Variants in OTUD7B observed in about 807,000 individuals in gnomAD.
OTUD7B encodes the protein OTU deubiquitinase 7B, also known as OTU domain-containing protein 7B.
Under a neutral mutation model 82.2 loss-of-function variants are expected in OTUD7B, and 34 were observed. The observed-to-expected ratio is 0.41, with a 90% confidence interval of 0.31 to 0.55. OTUD7B has a LOEUF of 0.55. Ranked by LOEUF, OTUD7B falls within the 20% of genes least tolerant of loss-of-function variation. The pLI is 0.20. For synonymous variants in OTUD7B, 398 were observed against 402.7 expected, an observed-to-expected ratio of 0.99 and a Z score of 0.14; for missense variants, 944 against 1,062.1, an observed-to-expected ratio of 0.89 and a Z score of 1.55.
At chr1:150,064,140 G>A in the OTUD7B span, among the ~76,000 whole-genome samples, 2 of 152,052 alleles carry the variant, frequency 1.3e-5, no homozygotes, top group African/African-American at 2.4e-5. Context: ...TCTAATAATC[G>A]AAGCTGATAT....
At chr1:150,041,497 T>C in the OTUD7B span, among the ~76,000 whole-genome samples, 1 of 152,102 alleles carries the variant, frequency 6.6e-6, no homozygotes, top group Non-Finnish European at 1.5e-5. Context: ...CACACCCGGC[T>C]AATTTTTTGT....
intron 7 of OTUD7B, among the ~76,000 whole-genome samples, chr1:149,950,565 T>C (rs1390528321): frequency 6.6e-6 from 1 of 152,106 alleles, no homozygotes; most frequent in Non-Finnish European, 1.5e-5. Flanking sequence ...CTGCATAGCT[T>C]CATCCTACTT....
At position 150,010,678 on chromosome 1, in the gene OTUD7B, C is replaced by G. The variant is rs1553787162; in HGVS notation, c.-297G>C. ...GCCTCCCCCAGTGGCTTTTTGCCCA[C>G]TCCGCACCCGGTCGCCACTCCGGCT... On this transcript the variant is annotated 5_prime_UTR_variant, in exon 1 of 12. Coordinates refer to ENST00000581312, the MANE Select transcript of OTUD7B (RefSeq NM_020205.4). The G allele has an allele frequency of 6.5e-6, 1 of 152,698 alleles. No individual in the cohort carries two copies. Among genetic ancestry groups the G allele is most frequent in the Non-Finnish European group, 1.5e-5 (1 of 68,154 alleles). The allele number at this position is 152,698 out of a possible 1,614,324, so 9.5% of individuals were successfully genotyped here.
chr1:149,973,475 C>CTGTTGT (rs143050781), intron 2 of OTUD7B, among the ~76,000 whole-genome samples: 1 of 152,072 alleles, frequency 6.6e-6, no homozygotes, highest in Non-Finnish European at 1.5e-5. Context: ...AATCAGTTAA[C>CTGTTGT]TGTTGTTGTT....
In OTUD7B at chr1:149,942,123, T is replaced by C. The variant is rs1553770561; in HGVS notation, c.*1734A>G. 6.6e-6 allele frequency: 1 copy of C among 152,616 alleles called. No individual in the cohort carries two copies. The highest frequency in any genetic ancestry group is 2.4e-5 in the African/African-American group (1 of 41,446). 9.5% of individuals were successfully genotyped at this position (152,616 alleles called of 1,614,324 possible). A position where few individuals can be genotyped will look rare whatever the true frequency, so the allele number is the denominator to read the frequency against. The stretch of plus-strand genomic sequence containing the variant: ...ACACATATGCACGCACGCACATGCA[T>C]GCACGCTCAAGTGCTTTAGATCAAA... On this transcript the variant is annotated 3_prime_UTR_variant, in exon 12 of 12. Coordinates refer to ENST00000581312, the MANE Select transcript of OTUD7B (RefSeq NM_020205.4).
At chr1:150,002,076 T>C (rs1254136583) in intron 1 of OTUD7B, among the ~76,000 whole-genome samples, 5 of 152,226 alleles carry the variant, frequency 3.3e-5, no homozygotes, top group African/African-American at 1.2e-4. Context: ...GAGTATTTAA[T>C]ATTTTAAAGA....
At chr1:149,954,671 T>C (rs1266546841) in intron 7 of OTUD7B, among the ~76,000 whole-genome samples, 3 of 152,236 alleles carry the variant, frequency 2.0e-5, no homozygotes, top group Non-Finnish European at 4.4e-5. Context: ...TGAATCCATC[T>C]GGTCTTGGAC....
chr1:150,021,552 T>C, the OTUD7B span, among the ~76,000 whole-genome samples: 3 of 152,118 alleles, frequency 2.0e-5, no homozygotes, highest in African/African-American at 7.2e-5. Context: ...AAAGCAGATA[T>C]GAGGTGAAAG....
rs1440769091 is a variant in OTUD7B at position 149,939,613 on chromosome 1, T to TG, written c.*4243dup. On this transcript the variant is annotated 3_prime_UTR_variant, in exon 12 of 12. Coordinates refer to ENST00000581312, the MANE Select transcript of OTUD7B (RefSeq NM_020205.4). ...GTCTTCTCACCTGTGGCTATATGTC[T>TG]GGGGCACTGACTCATTGGAGAAGGA... 6 of 152,118 alleles carry TG rather than the reference T, an allele frequency of 3.9e-5. No individual in the cohort carries two copies. Among genetic ancestry groups the TG allele is most frequent in the African/African-American group, 1.4e-4 (6 of 41,402 alleles). 9.4% of individuals were successfully genotyped at this position (152,118 alleles called of 1,614,324 possible). A position where few individuals can be genotyped will look rare whatever the true frequency, so the allele number is the denominator to read the frequency against.
At chr1:149,960,712 C>T (rs1649094492) in intron 6 of OTUD7B, among the ~76,000 whole-genome samples, 1 of 151,724 alleles carries the variant, frequency 6.6e-6, no homozygotes, top group Non-Finnish European at 1.5e-5. Flanking sequence ...TTCATATATC[C>T]AGCTACCTAC....
chr1:150,013,668 A>C (rs1653166835), upstream of OTUD7B, among the ~76,000 whole-genome samples: 1 of 151,932 alleles, frequency 6.6e-6, no homozygotes, highest in African/African-American at 2.4e-5. Context: ...CACGCTTGTA[A>C]TACCAGCACT....
chr1:150,048,555 C>T, the OTUD7B span: 1 of 151,958 alleles, frequency 6.6e-6, no homozygotes, highest in South Asian at 2.1e-4. Flanking sequence ...CCGATCTCTA[C>T]ACAAAATAAA....
the OTUD7B span, among the ~76,000 whole-genome samples, chr1:150,059,348 G>A: frequency 5.9e-5 from 5 of 84,650 alleles, no homozygotes; most frequent in Non-Finnish European, 1.0e-4. Context: ...ATGAGCCACC[G>A]CACCTGGCCA....
chr1:150,066,798 A>G, the OTUD7B span, among the ~76,000 whole-genome samples: 1 of 152,238 alleles, frequency 6.6e-6, no homozygotes, highest in Non-Finnish European at 1.5e-5. The surrounding 1 kb of genome is among the most constrained non-coding windows in gnomAD (Gnocchi z 4.6). Context: ...AAATGCCATG[A>G]TAGAGGGGAG....
intron 7 of OTUD7B, 36 bp downstream of exon 7, chr1:149,959,648 T>C (rs1553775242): frequency 3.1e-6 from 4 of 1,281,990 alleles, no homozygotes; most frequent in Non-Finnish European, 3.4e-6. Context: ...GAGGACTCTA[T>C]GCAGGTTTCC....
chr1:150,048,099 T>C, the OTUD7B span, among the ~76,000 whole-genome samples: 5 of 151,162 alleles, frequency 3.3e-5, no homozygotes, highest in Non-Finnish European at 7.4e-5. Context: ...GAAAAAAAAA[T>C]AGTTCCTAAA....
chr1:150,036,891 T>C, the OTUD7B span, among the ~76,000 whole-genome samples: 1 of 152,194 alleles, frequency 6.6e-6, no homozygotes, highest in Non-Finnish European at 1.5e-5. Context: ...TGTATGTCAT[T>C]AACTCATTCT....
At chr1:150,065,043 A>T in the OTUD7B span, among the ~76,000 whole-genome samples, 97 of 152,074 alleles carry the variant, frequency 6.4e-4, no homozygotes, top group African/African-American at 2.3e-3. Context: ...TGATTATTTA[A>T]CTTACATATT....
intron 1 of OTUD7B, among the ~76,000 whole-genome samples, chr1:149,998,067 C>T (rs1397589943): frequency 6.6e-6 from 1 of 152,130 alleles, no homozygotes; most frequent in African/African-American, 2.4e-5. Flanking sequence ...CCAAACCCAG[C>T]TCTCCTTATT....
Sources: allele counts gnomAD v4.1 joint callset (sites outside exome capture counted in the v4.1 genomes callset), GRCh38; gene constraint gnomAD v4.1.1; non-coding constraint Gnocchi (gnomAD v3.1); transcripts MANE v1.5; gene names NCBI Gene and HGNC (gene_info 2026-07-23, HGNC 2026-07-21).